The following PDZD2 variants were observed in gnomAD, a reference collection of about 807,000 sequenced individuals.
PDZD2 encodes PDZ domain-containing protein 2.
A neutral mutation model predicts 220.7 loss-of-function variants in PDZD2; 90 were observed. The observed-to-expected ratio is 0.41, with a 90% CI of 0.34 to 0.49. The LOEUF (loss-of-function observed/expected upper bound fraction) is 0.49. Ranked by LOEUF, PDZD2 falls within the 20% of genes least tolerant of loss-of-function variation. The pLI is 0.28. For missense variants in PDZD2, 3,174 were observed against 3,608.5 expected (o/e 0.88, Z 3.08); for synonymous variants, 1,375 against 1,450.5 (o/e 0.95, Z 1.18).
At chr5:31,898,719 G>C in intron 2 of PDZD2, among the ~76,000 whole-genome samples, 1 of 151,590 alleles carries the variant, frequency 6.6e-6, no homozygotes, top group Middle Eastern at 3.4e-3. Context: ...GCTCTGGGGG[G>C]CAGTTTCCTT....
chr5:32,016,123 G>T (rs967808613), intron 6 of PDZD2, among the ~76,000 whole-genome samples: 1 of 152,200 alleles, frequency 6.6e-6, no homozygotes, highest in Non-Finnish European at 1.5e-5. Flanking sequence ...TCTGATATGG[G>T]TGTTTGATTC....
intron 2 of PDZD2, among the ~76,000 whole-genome samples, chr5:31,972,396 G>C (rs1749384212): frequency 6.6e-6 from 1 of 152,164 alleles, no homozygotes; most frequent in South Asian, 2.1e-4. Context: ...TTACAGATGT[G>C]AGCCACAGCA....
At chr5:31,952,297 G>A (rs1283982291) in intron 2 of PDZD2, among the ~76,000 whole-genome samples, 1 of 152,204 alleles carries the variant, frequency 6.6e-6, no homozygotes, top group African/African-American at 2.4e-5. Context: ...ACAGTGATTT[G>A]AAATAATTAT....
At position 32,041,056 on chromosome 5, in the gene PDZD2, T is replaced by A. The variant is rs1365141553; in HGVS notation, c.1519+3714T>A. ...GCGCCTCTGCCCAGCAGCCGCCCCG[T>A]CTGGGAAGTGGGGAGCGCCTCTGTC... On this transcript the variant is annotated intron_variant, in intron 7 of 24. Coordinates refer to ENST00000438447, the MANE Select transcript of PDZD2 (RefSeq NM_178140.4). 8.1e-5 allele frequency among the ~76,000 whole-genome samples: 10 copies of A among 124,022 alleles called. No individual in the cohort carries two copies. The East Asian group carries it at 2.7e-3, about 33-fold the overall frequency. The allele number at this position is 124,022 out of a possible 152,430, so 81.4% of individuals were successfully genotyped here. A position where few individuals can be genotyped will look rare whatever the true frequency, so the allele number is the denominator to read the frequency against.
At chr5:31,648,405 C>T (rs981223892) in intron 1 of PDZD2, among the ~76,000 whole-genome samples, 1 of 152,172 alleles carries the variant, frequency 6.6e-6, no homozygotes, top group African/African-American at 2.4e-5. Context: ...GCACCACCAT[C>T]CACCCAAAGG....
intron 7 of PDZD2, among the ~76,000 whole-genome samples, chr5:32,040,419 G>A (rs1755976325): frequency 6.7e-6 from 1 of 149,826 alleles, no homozygotes; most frequent in African/African-American, 2.5e-5. Flanking sequence ...TAGGAAGTGA[G>A]GAGCGTCTCT....
At chr5:31,956,662 G>A (rs1747727009) in intron 2 of PDZD2, among the ~76,000 whole-genome samples, 2 of 150,214 alleles carry the variant, frequency 1.3e-5, no homozygotes, top group South Asian at 4.2e-4. Context: ...GGGAGGCTGA[G>A]GCAGAAGAAT....
chr5:31,644,755 A>G (rs150908947), intron 1 of PDZD2, among the ~76,000 whole-genome samples: 1 of 152,234 alleles, frequency 6.6e-6, no homozygotes, highest in African/African-American at 2.4e-5. Context: ...TGAGTGGTCT[A>G]TGAACTTCCA....
chr5:31,967,646 C>G lies in PDZD2; in HGVS notation c.477-15509C>G, dbSNP rs144070457. 5.1e-3 allele frequency among the ~76,000 whole-genome samples: 771 copies of G among 152,320 alleles called. 6 individuals are homozygous for G. The highest frequency in any genetic ancestry group is 0.017 in the African/African-American group (723 of 41,562). ...CCCTGGGCGTTGATAGTAGCCTCTT[C>G]CAAGGCAAGGCTAAGGGCACTGCTA... On this transcript the variant is annotated intron_variant, in intron 2 of 24. Coordinates refer to ENST00000438447, the MANE Select transcript of PDZD2 (RefSeq NM_178140.4).
chr5:32,086,808 C>T (rs1380639629), intron 19 of PDZD2, among the ~76,000 whole-genome samples: 1 of 140,578 alleles, frequency 7.1e-6, no homozygotes, highest in Non-Finnish European at 1.5e-5. Flanking sequence ...TCCCAAGTAG[C>T]TGGGATTACA....
intron 3 of PDZD2, among the ~76,000 whole-genome samples, chr5:31,993,024 G>T (rs1751352284): frequency 6.6e-6 from 1 of 152,116 alleles, no homozygotes; most frequent in Non-Finnish European, 1.5e-5. Flanking sequence ...AGGCCATCGG[G>T]CCCCATTGGA....
At chr5:31,648,406 C>T (rs1179770663) in intron 1 of PDZD2, among the ~76,000 whole-genome samples, 3 of 152,302 alleles carry the variant, frequency 2.0e-5, no homozygotes, top group African/African-American at 2.4e-5. Context: ...CACCACCATC[C>T]ACCCAAAGGC....
At chr5:31,642,021 G>A (rs1744967300) in intron 1 of PDZD2, among the ~76,000 whole-genome samples, 1 of 152,108 alleles carries the variant, frequency 6.6e-6, no homozygotes, top group Admixed American at 6.6e-5. Flanking sequence ...CTCCAGGCCT[G>A]GTGAGCTGAA....
intron 2 of PDZD2, among the ~76,000 whole-genome samples, chr5:31,914,509 C>A (rs909323655): frequency 1.3e-5 from 2 of 152,154 alleles, no homozygotes; most frequent in Non-Finnish European, 2.9e-5. Context: ...GCCTGGGTGA[C>A]AGAGTGAGAC....
chr5:31,831,523 T>A (rs1580845653), intron 2 of PDZD2, among the ~76,000 whole-genome samples: 1 of 151,410 alleles, frequency 6.6e-6, no homozygotes, highest in African/African-American at 2.4e-5. Context: ...CCGAGGCGGG[T>A]GGTTCACAAG....
intron 6 of PDZD2, among the ~76,000 whole-genome samples, chr5:32,025,519 C>G: frequency 1.3e-5 from 1 of 79,586 alleles, no homozygotes; most frequent in Non-Finnish European, 2.6e-5. Context: ...GAGTGAAACT[C>G]TGTCACAAAA....
At position 31,799,136 on chromosome 5, in the gene PDZD2, T is replaced by A; in HGVS notation, c.-113T>A. ...CTAGGCTCATCTGCCAGCCTGAACA[T>A]GAACACAGGCAAAGCTGATGATGGC... On this transcript the variant is annotated 5_prime_UTR_variant, in exon 2 of 25. An upstream start codon of the reference 5' UTR is lost. Coordinates refer to ENST00000438447, the MANE Select transcript of PDZD2 (RefSeq NM_178140.4). 3 of 673,582 alleles carry A rather than the reference T, an allele frequency of 4.5e-6. No individual in the cohort carries two copies. The highest frequency in any genetic ancestry group is 7.6e-6 in the Non-Finnish European group (3 of 394,942). 41.7% of individuals were successfully genotyped at this position (673,582 alleles called of 1,614,324 possible).
At chr5:31,728,077 A>G (rs1204092271) in intron 1 of PDZD2, among the ~76,000 whole-genome samples, 1 of 151,840 alleles carries the variant, frequency 6.6e-6, no homozygotes, top group African/African-American at 2.4e-5. Context: ...AGTTGCAAAG[A>G]AGTCGAAAAT....
intron 15 of PDZD2, among the ~76,000 whole-genome samples, chr5:32,070,721 C>T (rs376621232): frequency 6.6e-6 from 1 of 152,240 alleles, no homozygotes; most frequent in East Asian, 1.9e-4. Context: ...TGGAGCCGGG[C>T]GCCATGGCTC....
Sources: gnomAD v4.1 joint callset for allele counts (sites outside exome capture counted in the v4.1 genomes callset) on GRCh38, gnomAD v4.1.1 for gene constraint, MANE v1.5 for transcripts, NCBI Gene and HGNC (gene_info 2026-07-23, HGNC 2026-07-21) for gene names.